The following ARL15 variants were observed in gnomAD, a reference collection of about 807,000 sequenced individuals.
ARL15 encodes ADP-ribosylation factor-like protein 15.
Under a neutral mutation model 25.2 loss-of-function variants are expected in ARL15, and 19 were observed. The ratio of observed to expected loss-of-function variants is 0.75; its 90% confidence interval spans 0.53 to 1.10. ARL15 has a LOEUF of 1.10. Among genes scored for constraint, ARL15 ranks in the 50% least tolerant of loss-of-function variants. The pLI, the probability that ARL15 is intolerant of heterozygous loss-of-function variation, is 0.00. For synonymous variants in ARL15, 94 were observed against 86.8 expected, an observed-to-expected ratio of 1.08 and a Z score of -0.46; for missense variants, 220 against 246.0, an observed-to-expected ratio of 0.89 and a Z score of 0.71.
chr5:53,965,853 T>C (rs1458002689), intron 4 of ARL15, among the ~76,000 whole-genome samples: 1 of 152,140 alleles, frequency 6.6e-6, no homozygotes, highest in Non-Finnish European at 1.5e-5. Flanking sequence ...ATCTACCCAG[T>C]TGGATAAAAA....
chr5:54,285,435 T>C (rs1302243955), intron 1 of ARL15: 6 of 560,874 alleles, frequency 1.1e-5, no homozygotes, highest in Non-Finnish European at 1.4e-5. Flanking sequence ...ATAAACGTTA[T>C]TTACTATACA....
chr5:53,995,137 C>G (rs1488302036), intron 4 of ARL15, among the ~76,000 whole-genome samples: 1 of 151,878 alleles, frequency 6.6e-6, no homozygotes, highest in African/African-American at 2.4e-5. Flanking sequence ...GGTGAAACCC[C>G]ATCTCTACTA....
At chr5:53,955,317 C>T (rs1219537046) in intron 4 of ARL15, among the ~76,000 whole-genome samples, 1 of 152,098 alleles carries the variant, frequency 6.6e-6, no homozygotes, top group East Asian at 1.9e-4. Flanking sequence ...ACCATTTCTT[C>T]TTTACAGAGA....
chr5:54,172,127 T>C (rs913409905), intron 1 of ARL15, among the ~76,000 whole-genome samples, 199 bp from the exon 2 acceptor site: 4 of 152,202 alleles, frequency 2.6e-5, no homozygotes, highest in African/African-American at 9.7e-5. Flanking sequence ...TTCTTAGTTA[T>C]GAAATGTTTT....
chr5:54,062,492 A>T (rs934627389), intron 4 of ARL15, among the ~76,000 whole-genome samples: 8 of 150,262 alleles, frequency 5.3e-5, no homozygotes, highest in African/African-American at 1.7e-4. Context: ...ATAGTGAATG[A>T]GACTCACGAG....
At position 54,231,126 on chromosome 5, in the gene ARL15, A is replaced by G. The variant is rs1054000696; in HGVS notation, c.49-59198T>C. 1.2e-3 allele frequency among the ~76,000 whole-genome samples: 151 copies of G among 131,174 alleles called. 1 individual carries two copies. Among genetic ancestry groups the G allele is most frequent in the African/African-American group, 4.5e-3 (142 of 31,594 alleles). The allele number at this position is 131,174 out of a possible 152,430, so 86.1% of individuals were successfully genotyped here. ...GAATGTTTCCACGTGGATATCCCAC[A>G]AACACATTAAACTCATCATGATGAA... is the stretch of plus-strand genomic sequence containing the variant. On this transcript the variant is annotated intron_variant, in intron 1 of 4. Transcript: ENST00000504924.
chr5:54,306,386 G>A (rs1758754530), intron 1 of ARL15, among the ~76,000 whole-genome samples: 1 of 136,582 alleles, frequency 7.3e-6, no homozygotes, highest in African/African-American at 2.7e-5. Flanking sequence ...ATCACAATAC[G>A]TTAACTTTTT....
At chr5:54,125,316 G>A (rs928235940) in intron 3 of ARL15, among the ~76,000 whole-genome samples, 3 of 152,098 alleles carry the variant, frequency 2.0e-5, no homozygotes, top group African/African-American at 7.2e-5. Context: ...TTACAGGCGT[G>A]AGCCACCGCG....
At chr5:54,239,640 A>G (rs1287398424) in intron 1 of ARL15, among the ~76,000 whole-genome samples, 1 of 152,212 alleles carries the variant, frequency 6.6e-6, no homozygotes, top group African/African-American at 2.4e-5. Context: ...GAGGACAAAA[A>G]GAAGTTAAAT....
chr5:54,068,357 T>C (rs1323515413), intron 4 of ARL15, among the ~76,000 whole-genome samples: 1 of 152,220 alleles, frequency 6.6e-6, no homozygotes, highest in Non-Finnish European at 1.5e-5. Context: ...GAAACTGATA[T>C]GGACAACTGC....
In ARL15 at chr5:54,197,123, GT is replaced by G. The variant is rs539582872; in HGVS notation, c.49-25196del. ...TATTGGTGGTATTTGTTTTCAGTTT[GT>G]TTTTTTTTTATTTTTTTACTTGAAC... On this transcript the variant is annotated intron_variant, in intron 1 of 4. Transcript: ENST00000504924. 3.9e-4 allele frequency among the ~76,000 whole-genome samples: 58 copies of G among 148,516 alleles called. 1 individual carries two copies. Among genetic ancestry groups the G allele is most frequent in the Middle Eastern group, 3.5e-3 (1 of 284 alleles).
chr5:54,040,374 G>C (rs541767501), intron 4 of ARL15, among the ~76,000 whole-genome samples: 13 of 152,176 alleles, frequency 8.5e-5, no homozygotes, highest in African/African-American at 3.1e-4. Flanking sequence ...AGTCTAACAA[G>C]ATATTTGTTA....
chr5:54,079,899 G>A (rs1751733118), intron 4 of ARL15, among the ~76,000 whole-genome samples: 1 of 151,906 alleles, frequency 6.6e-6, no homozygotes, highest in Non-Finnish European at 1.5e-5. Flanking sequence ...GAACCCGGGA[G>A]GCGGAGGTTG....
intron 1 of ARL15, among the ~76,000 whole-genome samples, chr5:54,202,288 A>G (rs1755746604): frequency 6.6e-6 from 1 of 152,200 alleles, no homozygotes; most frequent in Non-Finnish European, 1.5e-5. Context: ...TTACATGGCC[A>G]GGGGGCATCA....
chr5:54,248,313 C>T (rs777773602), intron 1 of ARL15, among the ~76,000 whole-genome samples: 11 of 152,196 alleles, frequency 7.2e-5, no homozygotes, highest in Non-Finnish European at 1.0e-4. Context: ...TCTTCACCAT[C>T]CTATCCCACC....
At chr5:54,176,246 T>C (rs1754867978) in intron 1 of ARL15, among the ~76,000 whole-genome samples, 1 of 152,176 alleles carries the variant, frequency 6.6e-6, no homozygotes, top group African/African-American at 2.4e-5. Flanking sequence ...TCACAGACTC[T>C]TAGAAATCAA....
intron 4 of ARL15, among the ~76,000 whole-genome samples, chr5:53,969,048 G>T (rs1747656101): frequency 6.6e-6 from 1 of 151,932 alleles, no homozygotes; most frequent in South Asian, 2.1e-4. Context: ...TACTCAGGAG[G>T]CTGAGGCAGG....
intron 4 of ARL15, among the ~76,000 whole-genome samples, chr5:54,029,100 T>C (rs697098): frequency 0.45 from 67,685 of 151,816 alleles, 16,849 homozygotes; most frequent in Admixed American, 0.56. Flanking sequence ...AGATTGCAGG[T>C]TCTTGAGTCA....
intron 4 of ARL15, among the ~76,000 whole-genome samples, chr5:54,090,064 T>A (rs1333537593): frequency 1.3e-5 from 2 of 152,192 alleles, no homozygotes; most frequent in East Asian, 3.8e-4. Flanking sequence ...CTCTTTCTAT[T>A]CTTAGGTACA....
Sources: allele counts gnomAD v4.1 joint callset (sites outside exome capture counted in the v4.1 genomes callset), GRCh38; gene constraint gnomAD v4.1.1; transcripts MANE v1.5; gene names NCBI Gene and HGNC (gene_info 2026-07-23, HGNC 2026-07-21).